The following ZNF790 variants were observed in gnomAD, a reference collection of about 807,000 sequenced individuals.
The protein encoded by ZNF790 is zinc finger protein 790.
Under a neutral mutation model 12.1 loss-of-function variants are expected in ZNF790, and 8 were observed. The ratio of observed to expected loss-of-function variants is 0.66; its 90% CI spans 0.39 to 1.19. The LOEUF (loss-of-function observed/expected upper bound fraction) is 1.19. Among genes scored for constraint, ZNF790 ranks in the 50% most tolerant of loss-of-function variants. The pLI is 0.01. For missense variants in ZNF790, 707 were observed against 752.2 expected (o/e 0.94, Z 0.70); for synonymous variants, 252 against 244.3 (o/e 1.03, Z -0.29).
chr19:36,821,664 A>G (rs1420538744), intron 4 of ZNF790, among the ~76,000 whole-genome samples: 1 of 151,846 alleles, frequency 6.6e-6, no homozygotes, highest in East Asian at 1.9e-4. Flanking sequence ...GCTCACTGCA[A>G]CCTCCGCCTC....
intron 4 of ZNF790, among the ~76,000 whole-genome samples, chr19:36,822,840 AGTTTTTGTTTTT>A (rs554281932): frequency 2.0e-5 from 3 of 151,144 alleles, no homozygotes; most frequent in Non-Finnish European, 2.9e-5. Flanking sequence ...GCACCCAGCC[AGTTTTTGTTTTT>A]GTTTTTGTTT....
intron 4 of ZNF790, among the ~76,000 whole-genome samples, chr19:36,822,794 C>A (rs1481842313): frequency 1.3e-5 from 2 of 151,956 alleles, no homozygotes; most frequent in Non-Finnish European, 2.9e-5. Context: ...CCTGCCTCGG[C>A]CTCCCAAAGT....
Position 36,818,436 on chromosome 19 carries a change from CAA to C in ZNF790, c.1906_1907del (p.Leu636ValfsTer8), listed in dbSNP as rs1399446520. 1 of 1,532,636 alleles carries C rather than the reference CAA, an allele frequency of 6.5e-7. No homozygotes were observed. The allele number at this position is 1,532,636 out of a possible 1,614,324, so 94.9% of individuals were successfully genotyped here. On this transcript the variant is annotated frameshift_variant, in exon 5 of 5. Transcript: ENST00000356725. LOFTEE classifies it high-confidence loss of function. ...FSSSSHFISLL is the reference protein window; with the variant it reads ...FSSSSHFISLX ...TCCTACACTTTTATATAATATTTCA[CAA>C]GAGTGAAATGAAGTGAGAGCTTGAA...
chr19:36,833,893 A>G (rs1340175016), intron 1 of ZNF790, among the ~76,000 whole-genome samples: 1 of 152,206 alleles, frequency 6.6e-6, no homozygotes, highest in Non-Finnish European at 1.5e-5. Flanking sequence ...ACAAACCATA[A>G]AAGAAAAATG....
chr19:36,830,667 T>TA (rs570443616), intron 1 of ZNF790, among the ~76,000 whole-genome samples: 3 of 152,096 alleles, frequency 2.0e-5, no homozygotes, highest in Non-Finnish European at 4.4e-5. Context: ...AACCAAATTT[T>TA]AAAAAAATTG....
At chr19:36,831,739 A>G (rs2071949080) in intron 1 of ZNF790, among the ~76,000 whole-genome samples, 1 of 152,232 alleles carries the variant, frequency 6.6e-6, no homozygotes, top group Non-Finnish European at 1.5e-5. Flanking sequence ...TTAAGAGGAT[A>G]TATCTAAAAC....
intron 1 of ZNF790, among the ~76,000 whole-genome samples, chr19:36,827,111 T>TACAC (rs1163360749): frequency 3.1e-5 from 2 of 65,134 alleles, no homozygotes; most frequent in Non-Finnish European, 6.9e-5. Flanking sequence ...TGTATATATA[T>TACAC]ACACATACAC....
chr19:36,841,719 T>C (rs1317857974), upstream of ZNF790, among the ~76,000 whole-genome samples: 1 of 151,022 alleles, frequency 6.6e-6, no homozygotes, highest in Non-Finnish European at 1.5e-5. Context: ...CCATCTCTAC[T>C]AAAAAATACA....
rs576517564 is a variant in ZNF790, at chr19:36,828,661, C to G, written c.-73-2969G>C. On this transcript the variant is annotated intron_variant, in intron 1 of 4. Transcript: ENST00000356725. ...CCTGGCTAATTTATTTTATTTTTGT[C>G]GAGACGGGGTCCGCTATGTTGCCCA... Among the ~76,000 whole-genome samples the G allele has an allele frequency of 1.6e-4, 24 of 152,078 alleles. 1 individual carries two copies. In the South Asian group the frequency reaches 5.0e-3, roughly 32 times the overall value.
intron 1 of ZNF790, among the ~76,000 whole-genome samples, chr19:36,829,753 G>A (rs1367949713): frequency 6.6e-6 from 1 of 152,094 alleles, no homozygotes; most frequent in Non-Finnish European, 1.5e-5. Flanking sequence ...TTTTAGTAGA[G>A]ACGGGGTTTC....
chr19:36,823,487 AATAAG>A (rs1568335859), intron 3 of ZNF790, 107 bp from the exon 4 acceptor site: 2 of 1,293,648 alleles, frequency 1.5e-6, no homozygotes, highest in East Asian at 4.9e-5. Context: ...GCAGGACAAA[AATAAG>A]TATAAACTAT....
intron 1 of ZNF790, among the ~76,000 whole-genome samples, chr19:36,849,829 C>A (rs2072226489): frequency 1.3e-5 from 2 of 151,598 alleles, no homozygotes; most frequent in African/African-American, 4.8e-5. Flanking sequence ...CTCAATATGA[C>A]CTCCCCACGC....
chr19:36,829,781 A>G (rs1295100556), intron 1 of ZNF790, among the ~76,000 whole-genome samples: 1 of 152,040 alleles, frequency 6.6e-6, no homozygotes, highest in East Asian at 1.9e-4. Flanking sequence ...TGGTCAGGCT[A>G]GTCTCAAATT....
chr19:36,847,944 G>A (rs1251350721), intron 1 of ZNF790, among the ~76,000 whole-genome samples: 2 of 152,168 alleles, frequency 1.3e-5, no homozygotes, highest in Non-Finnish European at 2.9e-5. Flanking sequence ...TGGAATCAGA[G>A]AGCAGACCTA....
intron 1 of ZNF790, among the ~76,000 whole-genome samples, chr19:36,847,113 T>A (rs890388935): frequency 6.6e-6 from 1 of 152,116 alleles, no homozygotes. Flanking sequence ...CCCAGCACTT[T>A]GAGAGGCCAA....
At chr19:36,828,647 T>G (rs75188998) in intron 1 of ZNF790, among the ~76,000 whole-genome samples, 2 of 152,112 alleles carry the variant, frequency 1.3e-5, no homozygotes, top group Non-Finnish European at 2.9e-5. Flanking sequence ...CTGGCTAATT[T>G]ATTTTATTTT....
In ZNF790 at chr19:36,817,721, C is replaced by T. The variant is rs1041536223; in HGVS notation, c.*712G>A. 5 of 150,670 alleles carry T rather than the reference C, an allele frequency of 3.3e-5. No homozygotes were observed. Among genetic ancestry groups the T allele is most frequent in the Non-Finnish European group, 5.9e-5 (4 of 67,814 alleles). The allele number at this position is 150,670 out of a possible 1,614,324, so 9.3% of individuals were successfully genotyped here. On this transcript the variant is annotated 3_prime_UTR_variant, in exon 5 of 5. Transcript: ENST00000356725. ...AAGACATGCCAAATAAATTGTATGA[C>T]ATAGTTCAAGGCTTTTCTAGATTAA...
chr19:36,847,731 CAAAG>C lies in ZNF790; in HGVS notation c.-74+2267_-74+2270del, dbSNP rs1175445768. ...CGTCATTACACTCCAGCCTGGGCGACAAAGAGAGACTCTGTCTCAAAAAAAAAAA... is the reference window on the plus strand; with the variant it reads ...CGTCATTACACTCCAGCCTGGGCGACAGAGACTCTGTCTCAAAAAAAAAAA... On this transcript the variant is annotated intron_variant, in intron 1 of 4. Transcript: ENST00000528994. 3.0e-5 allele frequency among the ~76,000 whole-genome samples: 4 copies of C among 135,190 alleles called. No individual in the cohort carries two copies. In the Admixed American group the frequency reaches 3.2e-4, roughly 11 times the overall value. The allele number at this position is 135,190 out of a possible 152,430, so 88.7% of individuals were successfully genotyped here.
At chr19:36,846,582 A>G (rs1254894512) in intron 1 of ZNF790, among the ~76,000 whole-genome samples, 2 of 152,194 alleles carry the variant, frequency 1.3e-5, no homozygotes, top group East Asian at 1.9e-4. Flanking sequence ...AAAGAGCTCA[A>G]TGAATATCTG....
Sources: allele counts gnomAD v4.1 joint callset (sites outside exome capture counted in the v4.1 genomes callset), GRCh38; gene constraint gnomAD v4.1.1; transcripts MANE v1.5; gene names NCBI Gene and HGNC (gene_info 2026-07-23, HGNC 2026-07-21).